The following SUMF1 variants were observed in gnomAD, a reference collection of about 807,000 sequenced individuals.
SUMF1 encodes formylglycine-generating enzyme.
SUMF1 carries 48 observed loss-of-function variants against 47.6 expected under a neutral mutation model. The ratio of observed to expected loss-of-function variants is 1.01; its 90% confidence interval spans 0.80 to 1.28. The LOEUF (loss-of-function observed/expected upper bound fraction) is 1.28. Ranked by LOEUF, SUMF1 falls within the 50% of genes most tolerant of loss-of-function variation. The pLI is 0.00. For missense variants in SUMF1, 571 were observed against 485.4 expected (o/e 1.18, Z -1.66); for synonymous variants, 230 against 192.1 (o/e 1.20, Z -1.63).
At chr3:4,162,091 T>C (rs1694590783) in intron 8 of SUMF1, among the ~76,000 whole-genome samples, 1 of 152,048 alleles carries the variant, frequency 6.6e-6, no homozygotes, top group South Asian at 2.1e-4. Context: ...AGGGTGTACC[T>C]AGCAATATCA....
At chr3:4,173,701 A>G (rs941876778) in intron 8 of SUMF1, among the ~76,000 whole-genome samples, 1 of 152,178 alleles carries the variant, frequency 6.6e-6, no homozygotes. Flanking sequence ...ATGCAGCCAT[A>G]AGAAAGGATG....
chr3:4,224,090 C>T (rs954321801), intron 8 of SUMF1, among the ~76,000 whole-genome samples: 19 of 152,008 alleles, frequency 1.2e-4, no homozygotes, highest in Non-Finnish European at 1.9e-4. Flanking sequence ...ATGGACAAAA[C>T]CCAATTGAGG....
rs1035002937 is a variant in SUMF1, at chr3:4,158,637, G to A, written c.1015-89892C>T. On this transcript the variant is annotated intron_variant and NMD_transcript_variant, in intron 8 of 12. Coordinates refer to the SUMF1 transcript ENST00000448413. Reference sequence around the variant, plus strand: ...TTCACTCAGACTCACAGATAGATATGTGCTCATATATATCTGGGTGCTCCA... The same window carrying A: ...TTCACTCAGACTCACAGATAGATATATGCTCATATATATCTGGGTGCTCCA... Among the ~76,000 whole-genome samples the A allele has an allele frequency of 1.4e-4, 21 of 151,362 alleles. 2 individuals carry two copies. The highest frequency in any genetic ancestry group is 5.9e-5 in the Non-Finnish European group (4 of 67,944).
intron 8 of SUMF1, among the ~76,000 whole-genome samples, chr3:4,200,313 G>A (rs1695514863): frequency 6.6e-6 from 1 of 151,784 alleles, no homozygotes; most frequent in Non-Finnish European, 1.5e-5. Flanking sequence ...AGAGGAGACT[G>A]GTGTGTGAGT....
At chr3:4,154,349 C>T (rs888131653) in intron 8 of SUMF1, among the ~76,000 whole-genome samples, 1 of 151,442 alleles carries the variant, frequency 6.6e-6, no homozygotes, top group Non-Finnish European at 1.5e-5. Flanking sequence ...TTCCACCCAT[C>T]AATGGAATTT....
intron 8 of SUMF1, among the ~76,000 whole-genome samples, chr3:4,363,460 T>C (rs1177502943): frequency 6.6e-6 from 1 of 151,946 alleles, no homozygotes; most frequent in African/African-American, 2.4e-5. Flanking sequence ...GGTGGATTCC[T>C]AGGTATTTTA....
At chr3:4,171,233 C>A (rs1020273849) in intron 8 of SUMF1, among the ~76,000 whole-genome samples, 1 of 152,172 alleles carries the variant, frequency 6.6e-6, no homozygotes, top group Non-Finnish European at 1.5e-5. Flanking sequence ...AGGAGTATTG[C>A]AGATGCTCTG....
Position 4,179,795 on chromosome 3 carries a change from C to T in SUMF1, c.1015-111050G>A, listed in dbSNP as rs977903917. On this transcript the variant is annotated intron_variant and NMD_transcript_variant, in intron 8 of 12. Transcript: ENST00000448413. ...GAGAAAATTTTTGTAATCTATCCAT[C>T]TGACAAAGGGCTAAGATCCAGAATC... is the stretch of plus-strand genomic sequence containing the variant. 3.2e-4 allele frequency among the ~76,000 whole-genome samples: 48 copies of T among 152,276 alleles called. 2 individuals are homozygous for T. The highest frequency in any genetic ancestry group is 1.1e-3 in the African/African-American group (44 of 41,570).
intron 3 of SUMF1, among the ~76,000 whole-genome samples, chr3:4,448,805 C>G (rs1329389236): frequency 6.6e-6 from 1 of 152,226 alleles, no homozygotes; most frequent in African/African-American, 2.4e-5. Flanking sequence ...CATGAACATT[C>G]AGAACAAAGG....
At chr3:4,202,086 G>A (rs907152261) in intron 8 of SUMF1, among the ~76,000 whole-genome samples, 1 of 151,884 alleles carries the variant, frequency 6.6e-6, no homozygotes, top group African/African-American at 2.4e-5. Flanking sequence ...TTCCTTTGCT[G>A]TACAGAAGCT....
chr3:4,445,164 C>T (rs542289532), intron 3 of SUMF1, among the ~76,000 whole-genome samples: 13 of 152,088 alleles, frequency 8.5e-5, no homozygotes, highest in African/African-American at 7.2e-5. Context: ...CAATGGTCAG[C>T]TTTCTAGTTG....
chr3:4,211,181 T>C (rs1299544799), intron 8 of SUMF1, among the ~76,000 whole-genome samples: 7 of 94,686 alleles, frequency 7.4e-5, no homozygotes, highest in Non-Finnish European at 1.4e-4. Flanking sequence ...CACATATATA[T>C]ACATATACAT....
At position 4,313,721 on chromosome 3, in the gene SUMF1, C is replaced by A. The variant is rs1698520567; in HGVS notation, c.1014+62609G>T. 2.5e-6 allele frequency: 4 copies of A among 1,613,876 alleles called. No individual in the cohort carries two copies. In the East Asian group the frequency reaches 8.9e-5, roughly 36 times the overall value. ...AAGGAACCCAGCATGTGTGGCTCAG[C>A]CCCTTCTGTGTTCCCCTCCTGCAAG... is the stretch of plus-strand genomic sequence containing the variant. On this transcript the variant is annotated intron_variant and NMD_transcript_variant, in intron 8 of 12. Coordinates refer to the SUMF1 transcript ENST00000448413.
chr3:4,430,185 T>C (rs1702189976), intron 3 of SUMF1, among the ~76,000 whole-genome samples: 1 of 152,190 alleles, frequency 6.6e-6, no homozygotes, highest in Non-Finnish European at 1.5e-5. Flanking sequence ...AAGATGGTAG[T>C]AGGTACGGAG....
intron 7 of SUMF1, among the ~76,000 whole-genome samples, chr3:4,380,969 G>C: frequency 6.6e-6 from 1 of 152,180 alleles, no homozygotes; most frequent in East Asian, 1.9e-4. Context: ...AGTGAGACTG[G>C]CTTGTTTGGA....
chr3:4,303,439 C>A, intron 8 of SUMF1: 1 of 1,550,968 alleles, frequency 6.4e-7, no homozygotes, highest in Non-Finnish European at 8.7e-7. Flanking sequence ...AGCCTGAGGC[C>A]CCGACTGAGC....
intron 8 of SUMF1, among the ~76,000 whole-genome samples, chr3:4,227,304 C>T (rs1013735894): frequency 6.6e-6 from 1 of 152,118 alleles, no homozygotes; most frequent in Non-Finnish European, 1.5e-5. Flanking sequence ...CAGCCATGAA[C>T]ACTGCAGAAT....
In SUMF1 at chr3:4,404,786, A is replaced by G. The variant is rs186312801; in HGVS notation, c.954+6079T>C. Among the ~76,000 whole-genome samples the G allele has an allele frequency of 2.1e-4, 32 of 152,236 alleles. 2 individuals carry two copies. Among genetic ancestry groups the G allele is most frequent in the African/African-American group, 7.7e-4 (32 of 41,544 alleles). On this transcript the variant is annotated intron_variant, in intron 7 of 8. Transcript: ENST00000272902. ...TCTCAAAAACTCAAAACAAAACAAA[A>G]CAAAAAACACATGAGTGAAGGTCTT...
chr3:4,397,592 C>A (rs1701078100), intron 7 of SUMF1, among the ~76,000 whole-genome samples: 1 of 152,174 alleles, frequency 6.6e-6, no homozygotes, highest in Non-Finnish European at 1.5e-5. Context: ...CACTTGAAGA[C>A]TTCCATGATT....
Sources: gnomAD v4.1 joint callset for allele counts (sites outside exome capture counted in the v4.1 genomes callset) on GRCh38, gnomAD v4.1.1 for gene constraint, MANE v1.5 for transcripts, NCBI Gene and HGNC (gene_info 2026-07-23, HGNC 2026-07-21) for gene names.